The following EPSTI1 variants were observed in gnomAD, a reference collection of about 807,000 sequenced individuals.
The protein encoded by EPSTI1 is epithelial stromal interaction 1.
In EPSTI1, 66 loss-of-function variants were observed where a neutral mutation model predicts 49.9. The ratio of observed to expected loss-of-function variants is 1.32; its 90% CI spans 1.08 to 1.62. The LOEUF (loss-of-function observed/expected upper bound fraction) is 1.62. EPSTI1 is among the 40% of genes most tolerant of loss of function. The probability of loss-of-function intolerance (pLI) is 0.00; values close to 1 mark genes in which losing one functional copy is unlikely to be tolerated. For synonymous variants in EPSTI1, 137 were observed against 130.7 expected (o/e 1.05, Z -0.33); for missense variants, 394 against 365.5 (o/e 1.08, Z -0.64).
In EPSTI1 at chr13:42,942,658, C is replaced by CTTT. The variant is rs1161224574; in HGVS notation, c.563+11287_563+11289dup. Among the ~76,000 whole-genome samples, 26 of 64,652 alleles carry CTTT rather than the reference C, an allele frequency of 4.0e-4. 1 individual carries two copies. The highest frequency in any genetic ancestry group is 7.9e-4 in the African/African-American group (12 of 15,240). The allele number at this position is 64,652 out of a possible 152,430, so 42.4% of individuals were successfully genotyped here. ...TGATTTTAATTAGATCCTGTTGATT[C>CTTT]TTTTTTTTTTTTTTTTTTTTTTTTT... On this transcript the variant is annotated intron_variant, in intron 6 of 10. Transcript: ENST00000313624.
chr13:42,965,841 G>C lies in EPSTI1; in HGVS notation c.332-1702C>G, dbSNP rs556927347. 9.3e-5 allele frequency among the ~76,000 whole-genome samples: 5 copies of C among 53,810 alleles called. 1 individual carries two copies. Among genetic ancestry groups the C allele is most frequent in the African/African-American group, 2.1e-4 (4 of 19,386 alleles). 35.3% of individuals were successfully genotyped at this position (53,810 alleles called of 152,430 possible). The stretch of plus-strand genomic sequence containing the variant: ...TCTCCCCACGGTCTCCCTCTCATGC[G>C]GAGCCGAAGCTGGACTGTACTGCTG... On this transcript the variant is annotated intron_variant, in intron 3 of 10. Coordinates refer to ENST00000313624, the MANE Select transcript of EPSTI1 (RefSeq NM_033255.5).
intron 6 of EPSTI1, among the ~76,000 whole-genome samples, chr13:42,928,828 G>C (rs773147858): frequency 1.3e-5 from 2 of 152,206 alleles, no homozygotes; most frequent in Non-Finnish European, 2.9e-5. Flanking sequence ...AATGGAATGT[G>C]AGAAGTGTTG....
In EPSTI1 at chr13:42,922,483, G is replaced by A. The variant is rs1226915673; in HGVS notation, c.657+3853C>T. Among the ~76,000 whole-genome samples the A allele has an allele frequency of 6.6e-6, 1 of 152,166 alleles. No homozygotes were observed. Among genetic ancestry groups the A allele is most frequent in the Non-Finnish European group, 1.5e-5 (1 of 68,022 alleles). ...CAGCCGTGTGCCAAGGGTTTGCGGG[G>A]ACAGGGGACAGATGCCCCCCGGAAG... On this transcript the variant is annotated intron_variant, in intron 7 of 10. Transcript: ENST00000313624. This position sits in a 1 kb window ranked among gnomAD's most constrained non-coding sequence, Gnocchi z 4.8.
At chr13:42,936,969 C>T (rs530117234) in intron 6 of EPSTI1, among the ~76,000 whole-genome samples, 378 of 152,256 alleles carry the variant, frequency 2.5e-3, no homozygotes, top group Non-Finnish European at 4.2e-3. Flanking sequence ...CCTTCTTCAT[C>T]CCCAATATCA....
intron 6 of EPSTI1, chr13:42,934,197 C>T (rs181618771): frequency 6.5e-6 from 1 of 154,444 alleles, no homozygotes; most frequent in African/African-American, 2.4e-5. Context: ...CCGTTTATTT[C>T]CACCCTAACT....
intron 6 of EPSTI1, among the ~76,000 whole-genome samples, chr13:42,949,678 T>C (rs532845066): frequency 6.6e-6 from 1 of 152,192 alleles, no homozygotes; most frequent in African/African-American, 2.4e-5. Context: ...AAATTGTTAA[T>C]GTTTAAAATG....
intron 6 of EPSTI1, among the ~76,000 whole-genome samples, chr13:42,928,490 C>T (rs1329779541): frequency 6.6e-6 from 1 of 152,224 alleles, no homozygotes; most frequent in Non-Finnish European, 1.5e-5. Context: ...CGTGACTCTA[C>T]TGCCTGTTGG....
At position 42,991,976 on chromosome 13, in the gene EPSTI1, ACC is replaced by A; in HGVS notation, c.188_188+1del. ...CCGAAGCCAGGTTGTTAAAATACTC[ACC>A]GCCTCTGGCCCGCGTGCACGACGCT... On this transcript the variant is annotated splice_donor_variant and coding_sequence_variant, in exon 1 of 11. Coordinates refer to ENST00000313624, the MANE Select transcript of EPSTI1 (RefSeq NM_033255.5). LOFTEE classifies it high-confidence loss of function. 1 of 1,610,590 alleles carries A rather than the reference ACC, an allele frequency of 6.2e-7. No homozygotes were observed. Among genetic ancestry groups the A allele is most frequent in the Non-Finnish European group, 8.5e-7 (1 of 1,179,124 alleles).
chr13:42,957,270 T>C (rs2039300830), intron 5 of EPSTI1, among the ~76,000 whole-genome samples: 1 of 152,216 alleles, frequency 6.6e-6, no homozygotes, highest in African/African-American at 2.4e-5. Context: ...GGTATACTTG[T>C]GGAATATTTA....
chr13:42,972,317 C>T (rs1417903172), intron 1 of EPSTI1, among the ~76,000 whole-genome samples: 1 of 152,120 alleles, frequency 6.6e-6, no homozygotes, highest in Non-Finnish European at 1.5e-5. Context: ...AATTCAGTAG[C>T]CTGCGACTGG....
chr13:42,977,128 C>G (rs577190989), intron 1 of EPSTI1, among the ~76,000 whole-genome samples: 4 of 152,296 alleles, frequency 2.6e-5, no homozygotes, highest in African/African-American at 9.6e-5. Context: ...AAAACACTAA[C>G]AGTCCTCTGA....
chr13:42,974,528 G>A (rs1183148150), intron 1 of EPSTI1, among the ~76,000 whole-genome samples: 4 of 151,954 alleles, frequency 2.6e-5, no homozygotes, highest in Admixed American at 1.3e-4. Context: ...GCGTGGTGGT[G>A]GGCGCCTATA....
At chr13:42,974,995 C>T (rs1446785455) in intron 1 of EPSTI1, among the ~76,000 whole-genome samples, 2 of 151,976 alleles carry the variant, frequency 1.3e-5, no homozygotes, top group Non-Finnish European at 2.9e-5. Flanking sequence ...AGTCTACAGT[C>T]CTGCAAAAAG....
chr13:42,920,450 G>A (rs2037960313), intron 7 of EPSTI1, among the ~76,000 whole-genome samples: 1 of 152,174 alleles, frequency 6.6e-6, no homozygotes, highest in Admixed American at 6.5e-5. Flanking sequence ...AGACTTGCTG[G>A]AAGGGGCTAG....
At chr13:42,931,529 G>A (rs1197921796) in intron 6 of EPSTI1, among the ~76,000 whole-genome samples, 1 of 152,218 alleles carries the variant, frequency 6.6e-6, no homozygotes, top group African/African-American at 2.4e-5. Context: ...TAATGCCAGG[G>A]GGCGAAAGCT....
intron 8 of EPSTI1, among the ~76,000 whole-genome samples, chr13:42,916,223 A>G (rs1230197907): frequency 1.3e-5 from 2 of 151,750 alleles, no homozygotes; most frequent in Non-Finnish European, 2.9e-5. Context: ...TGCCTATTTG[A>G]TTGTAGATTT....
chr13:42,937,830 C>T (rs2038615622), intron 6 of EPSTI1, among the ~76,000 whole-genome samples: 1 of 152,114 alleles, frequency 6.6e-6, no homozygotes, highest in South Asian at 2.1e-4. Flanking sequence ...CCATGAATCA[C>T]AAGTGTTCTT....
At position 42,963,283 on chromosome 13, in the gene EPSTI1, T is replaced by C. The variant is rs1230865118; in HGVS notation, c.461A>G (p.Gln154Arg). Reference sequence around the variant, plus strand: ...CTCTCTCTGAATTGCCTTCATTTTTTGGAGTTCAGCTTCTTCAGCTTCCTT... The same window carrying C: ...CTCTCTCTGAATTGCCTTCATTTTTCGGAGTTCAGCTTCTTCAGCTTCCTT... ...IKKEAEEAELQKMKAIQREKS... is the reference protein window; with the variant it reads ...IKKEAEEAELRKMKAIQREKS... The change falls in exon 5 of 11, where the codon CAA becomes CGA. Residue 154 changes from glutamine to arginine, a missense_variant. By Grantham distance (43) the Gln-to-Arg change is conservative. Transcript: ENST00000313624. 1 of 1,613,866 alleles carries C rather than the reference T, an allele frequency of 6.2e-7. No homozygotes were observed.
At chr13:42,981,399 G>T (rs576257533) in intron 1 of EPSTI1, among the ~76,000 whole-genome samples, 3 of 152,118 alleles carry the variant, frequency 2.0e-5, no homozygotes, top group Non-Finnish European at 4.4e-5. Context: ...ATTATTGTTA[G>T]TAATATGTTT....
Sources: allele counts gnomAD v4.1 joint callset (sites outside exome capture counted in the v4.1 genomes callset), GRCh38; gene constraint gnomAD v4.1.1; non-coding constraint Gnocchi (gnomAD v3.1); transcripts MANE v1.5; gene names NCBI Gene and HGNC (gene_info 2026-07-23, HGNC 2026-07-21).